Variants in RPS6KC1 observed in about 807,000 individuals in gnomAD.
The protein encoded by RPS6KC1 is ribosomal protein S6 kinase C1.
In RPS6KC1, 54 loss-of-function variants were observed where a neutral mutation model predicts 103.8. That is an observed-to-expected ratio of 0.52 (90% CI 0.42 to 0.65). The LOEUF (loss-of-function observed/expected upper bound fraction) is 0.65, where lower values mean the gene tolerates loss of function less well. RPS6KC1 is among the 30% of genes least tolerant of loss of function. The probability of loss-of-function intolerance (pLI) is 0.00; values close to 1 mark genes in which losing one functional copy is unlikely to be tolerated. For missense variants in RPS6KC1, 1,151 were observed against 1,253.8 expected (o/e 0.92, Z 1.24); for synonymous variants, 439 against 438.7 (o/e 1.00, Z -0.01).
Position 213,066,926 on chromosome 1 carries a change from A to G in RPS6KC1, c.106-4080A>G, listed in dbSNP as rs114595438. ...TCAAGTTGGGAACTGCTTAGGGCCA[A>G]CCTGCCTCCCATTCTCTTCAAAGTC... On this transcript the variant is annotated intron_variant, in intron 1 of 14. Coordinates refer to ENST00000366960, the MANE Select transcript of RPS6KC1 (RefSeq NM_012424.6). 3.3e-3 allele frequency among the ~76,000 whole-genome samples: 497 copies of G among 152,316 alleles called. 5 individuals carry two copies. The highest frequency in any genetic ancestry group is 0.011 in the African/African-American group (471 of 41,564).
At chr1:213,399,258 A>G in the RPS6KC1 span, among the ~76,000 whole-genome samples, 1 of 152,184 alleles carries the variant, frequency 6.6e-6, no homozygotes, top group South Asian at 2.1e-4. Context: ...TAAGAAGGCA[A>G]TTACAATACG....
the RPS6KC1 span, among the ~76,000 whole-genome samples, chr1:213,442,889 G>T: frequency 6.6e-5 from 10 of 151,796 alleles, no homozygotes; most frequent in Non-Finnish European, 8.8e-5. Flanking sequence ...GAATCAAATT[G>T]CTGCCCTCTG....
At chr1:213,524,699 T>C in the RPS6KC1 span, among the ~76,000 whole-genome samples, 1 of 152,174 alleles carries the variant, frequency 6.6e-6, no homozygotes, top group African/African-American at 2.4e-5. Flanking sequence ...TACCACCTAC[T>C]CACAGGACTA....
At chr1:213,220,666 G>C (rs982205068) in intron 8 of RPS6KC1, among the ~76,000 whole-genome samples, 3 of 152,150 alleles carry the variant, frequency 2.0e-5, no homozygotes, top group African/African-American at 2.4e-5. Context: ...AGATGCTTTT[G>C]TATAATTTTC....
the RPS6KC1 span, among the ~76,000 whole-genome samples, chr1:213,461,139 A>G: frequency 1.3e-5 from 2 of 152,270 alleles, no homozygotes; most frequent in South Asian, 2.1e-4. Context: ...CTATACACCA[A>G]TAATAAACAG....
the RPS6KC1 span, among the ~76,000 whole-genome samples, chr1:213,670,938 C>G: frequency 1.3e-5 from 2 of 152,114 alleles, no homozygotes; most frequent in African/African-American, 4.8e-5. Flanking sequence ...TTTATTCCCT[C>G]TCAGGGGTTT....
chr1:213,371,529 T>C, the RPS6KC1 span, among the ~76,000 whole-genome samples: 2 of 152,226 alleles, frequency 1.3e-5, no homozygotes, highest in African/African-American at 4.8e-5. Context: ...CTGTTTTCCA[T>C]AGTGGCTGAG....
the RPS6KC1 span, among the ~76,000 whole-genome samples, chr1:213,579,274 C>T: frequency 6.6e-6 from 1 of 152,140 alleles, no homozygotes; most frequent in East Asian, 1.9e-4. Flanking sequence ...ATTACCCTGT[C>T]TTAGGTATTT....
At chr1:213,327,260 G>GAA in the RPS6KC1 span, among the ~76,000 whole-genome samples, 1 of 151,656 alleles carries the variant, frequency 6.6e-6, no homozygotes, top group Admixed American at 6.6e-5. Flanking sequence ...AAGAAAGAAA[G>GAA]AAAGAAGCTC....
At chr1:213,579,510 G>A in the RPS6KC1 span, among the ~76,000 whole-genome samples, 1 of 152,116 alleles carries the variant, frequency 6.6e-6, no homozygotes, top group Non-Finnish European at 1.5e-5. Context: ...AGATCTAGCT[G>A]AGATAAATGA....
chr1:213,365,986 TG>T, the RPS6KC1 span, among the ~76,000 whole-genome samples: 1 of 152,236 alleles, frequency 6.6e-6, no homozygotes, highest in Non-Finnish European at 1.5e-5. Flanking sequence ...TCTAGAGCCT[TG>T]GTCTCAAAGG....
chr1:213,527,420 C>T, the RPS6KC1 span, among the ~76,000 whole-genome samples: 9 of 152,296 alleles, frequency 5.9e-5, no homozygotes, highest in South Asian at 1.7e-3. Flanking sequence ...GAGTCAGTAA[C>T]AGTGACAGTG....
At chr1:213,071,152 G>A (rs1057506141) in intron 2 of RPS6KC1, 111 bp downstream of exon 2, 19 of 599,854 alleles carry the variant, frequency 3.2e-5, no homozygotes, top group Admixed American at 7.5e-5. Flanking sequence ...TTTTTGAGAC[G>A]GAGTTTCGCT....
chr1:213,604,902 G>A, the RPS6KC1 span, among the ~76,000 whole-genome samples: 4 of 152,182 alleles, frequency 2.6e-5, no homozygotes, highest in Admixed American at 6.5e-5. Flanking sequence ...GTAGGAGATG[G>A]GAAGGGTGGC....
intron 6 of RPS6KC1, among the ~76,000 whole-genome samples, chr1:213,137,395 G>A (rs935528882): frequency 5.9e-5 from 9 of 151,632 alleles, no homozygotes; most frequent in Non-Finnish European, 1.2e-4. Flanking sequence ...GTGCAATGGC[G>A]CAATCTCGGC....
At chr1:213,062,595 T>C (rs755235417) in intron 1 of RPS6KC1, among the ~76,000 whole-genome samples, 3 of 151,764 alleles carry the variant, frequency 2.0e-5, no homozygotes, top group Non-Finnish European at 4.4e-5. Flanking sequence ...TCTCGCTCTG[T>C]CACCAGGCTG....
the RPS6KC1 span, among the ~76,000 whole-genome samples, chr1:213,304,205 C>CA: frequency 0.012 from 829 of 70,488 alleles, 15 homozygotes; most frequent in African/African-American, 0.032. Flanking sequence ...GACTCCATCT[C>CA]AAAAAAAAAA....
At chr1:213,390,158 A>G in the RPS6KC1 span, among the ~76,000 whole-genome samples, 2 of 152,238 alleles carry the variant, frequency 1.3e-5, no homozygotes, top group African/African-American at 4.8e-5. Flanking sequence ...ATGATTAGCC[A>G]GACACAAATG....
At chr1:213,328,411 C>A in the RPS6KC1 span, among the ~76,000 whole-genome samples, 1 of 150,578 alleles carries the variant, frequency 6.6e-6, no homozygotes, top group African/African-American at 2.4e-5. Flanking sequence ...GATGGGTAAG[C>A]GTGGGGCTGA....
Sources: allele counts gnomAD v4.1 joint callset (sites outside exome capture counted in the v4.1 genomes callset), GRCh38; gene constraint gnomAD v4.1.1; transcripts MANE v1.5; gene names NCBI Gene and HGNC (gene_info 2026-07-23, HGNC 2026-07-21).